NKAIN3: variants seen among roughly 807,000 people sequenced by gnomAD.
NKAIN3 encodes the protein sodium/potassium-transporting ATPase subunit beta-1-interacting protein 3.
In NKAIN3, 25 loss-of-function variants were observed where a neutral mutation model predicts 30.2. The observed-to-expected ratio is 0.83, with a 90% CI of 0.60 to 1.16. The LOEUF is 1.16. Among genes scored for constraint, NKAIN3 ranks in the 50% most tolerant of loss-of-function variants. NKAIN3 has a pLI of 0.00. For synonymous variants in NKAIN3, 91 were observed against 89.6 expected (o/e 1.02, Z -0.09); for missense variants, 225 against 254.1 (o/e 0.89, Z 0.78).
At chr8:62,963,267 C>T (rs1186739857) in intron 6 of NKAIN3, among the ~76,000 whole-genome samples, 1 of 152,112 alleles carries the variant, frequency 6.6e-6, no homozygotes, top group Non-Finnish European at 1.5e-5. Context: ...CTTTGAATGC[C>T]CTCTTTCAGA....
intron 1 of NKAIN3, among the ~76,000 whole-genome samples, chr8:62,295,196 A>C (rs2129587397): frequency 6.6e-6 from 1 of 152,242 alleles, no homozygotes; most frequent in East Asian, 1.9e-4. Context: ...TGCATACCAA[A>C]TCAACATGTG....
intron 3 of NKAIN3, among the ~76,000 whole-genome samples, chr8:62,689,252 A>T (rs989016497): frequency 1.3e-5 from 2 of 152,118 alleles, no homozygotes; most frequent in South Asian, 4.1e-4. Flanking sequence ...TTATAAGGAG[A>T]CATCTGCACT....
chr8:62,750,047 G>C (rs1343792662), intron 4 of NKAIN3, among the ~76,000 whole-genome samples: 1 of 151,956 alleles, frequency 6.6e-6, no homozygotes, highest in Non-Finnish European at 1.5e-5. Context: ...GTGCTGAAAT[G>C]TTTACCTTAT....
At chr8:62,929,164 G>A (rs1004914150) in intron 5 of NKAIN3, among the ~76,000 whole-genome samples, 8 of 152,200 alleles carry the variant, frequency 5.3e-5, no homozygotes, top group African/African-American at 1.9e-4. Flanking sequence ...CAAAGGGCTT[G>A]ACTTCAGAAG....
intron 3 of NKAIN3, among the ~76,000 whole-genome samples, chr8:62,742,691 A>C (rs542737794): frequency 5.3e-5 from 8 of 152,220 alleles, no homozygotes; most frequent in Admixed American, 1.3e-4. Context: ...CCAAGAAGTA[A>C]AAGAGAAATG....
intron 3 of NKAIN3, among the ~76,000 whole-genome samples, chr8:62,656,339 AG>A (rs1455782015): frequency 6.6e-6 from 1 of 152,294 alleles, no homozygotes; most frequent in Admixed American, 6.5e-5. Context: ...TTCATACATC[AG>A]GAAACATTAG....
intron 2 of NKAIN3, 84 bp downstream of exon 2, chr8:62,579,760 C>A: frequency 1.3e-6 from 1 of 750,150 alleles, no homozygotes; most frequent in Non-Finnish European, 1.9e-6. Flanking sequence ...CTAAGTGGCC[C>A]CTTCTGATAT....
intron 1 of NKAIN3, among the ~76,000 whole-genome samples, chr8:62,575,090 T>A (rs1006679720): frequency 2.6e-5 from 4 of 152,124 alleles, no homozygotes; most frequent in Non-Finnish European, 5.9e-5. Flanking sequence ...TCATTACTGT[T>A]ATTCAGCATA....
chr8:62,317,551 G>C (rs1309882808), intron 1 of NKAIN3, among the ~76,000 whole-genome samples: 1 of 152,140 alleles, frequency 6.6e-6, no homozygotes, highest in Non-Finnish European at 1.5e-5. Context: ...CCCATTGCTT[G>C]TTTTTCTCAG....
At chr8:62,569,855 T>A (rs1809877971) in intron 1 of NKAIN3, among the ~76,000 whole-genome samples, 1 of 152,044 alleles carries the variant, frequency 6.6e-6, no homozygotes, top group South Asian at 2.1e-4. Context: ...ATATGAATGA[T>A]ATTTAGAGCT....
rs1806025585 is a variant in NKAIN3, at chr8:62,462,384, C to G, written c.55-117155C>G. The stretch of plus-strand genomic sequence containing the variant: ...TATAATTCACAATGCACCGATTGTT[C>G]ATTGCTATTAGCAATGCATGGAATG... On this transcript the variant is annotated intron_variant, in intron 1 of 6. Transcript: ENST00000623646. Among the ~76,000 whole-genome samples the G allele has an allele frequency of 1.3e-5, 2 of 152,182 alleles. 1 individual carries two copies. Among genetic ancestry groups the G allele is most frequent in the African/African-American group, 4.8e-5 (2 of 41,444 alleles).
chr8:62,674,290 T>A (rs1183285958), intron 3 of NKAIN3, among the ~76,000 whole-genome samples: 1 of 152,228 alleles, frequency 6.6e-6, no homozygotes, highest in East Asian at 1.9e-4. Flanking sequence ...CTGCTGCCTG[T>A]CTGCCAGGTG....
chr8:62,764,608 G>A (rs1175393644), intron 4 of NKAIN3, among the ~76,000 whole-genome samples: 2 of 152,068 alleles, frequency 1.3e-5, no homozygotes, highest in East Asian at 3.9e-4. Context: ...AGAACTACAA[G>A]CGTGTGCCAC....
intron 1 of NKAIN3, among the ~76,000 whole-genome samples, chr8:62,358,460 A>G (rs755270722): frequency 2.0e-5 from 3 of 152,162 alleles, no homozygotes; most frequent in African/African-American, 2.4e-5. Flanking sequence ...ATTCCATTAT[A>G]TGTTAAGCGT....
chr8:62,775,146 C>G (rs1380200642), intron 4 of NKAIN3, among the ~76,000 whole-genome samples: 1 of 151,978 alleles, frequency 6.6e-6, no homozygotes, highest in Non-Finnish European at 1.5e-5. Context: ...TTGTATGTGT[C>G]CAGGAATTTA....
chr8:62,285,764 A>G (rs567453323), intron 1 of NKAIN3, among the ~76,000 whole-genome samples: 1 of 152,296 alleles, frequency 6.6e-6, no homozygotes, highest in Admixed American at 6.5e-5. Flanking sequence ...ACCCAGTCAT[A>G]CAAAAATATC....
intron 1 of NKAIN3, among the ~76,000 whole-genome samples, chr8:62,421,843 G>A (rs1385157616): frequency 6.6e-6 from 1 of 151,914 alleles, no homozygotes; most frequent in Non-Finnish European, 1.5e-5. Flanking sequence ...TATATATTGG[G>A]GAAAATTGAG....
intron 3 of NKAIN3, among the ~76,000 whole-genome samples, chr8:62,637,476 C>G (rs1812169267): frequency 6.6e-6 from 1 of 152,094 alleles, no homozygotes; most frequent in African/African-American, 2.4e-5. Context: ...GTGTCTTACA[C>G]AGAAAAAAAT....
chr8:62,266,885 C>A (rs1283897660), intron 1 of NKAIN3, among the ~76,000 whole-genome samples: 1 of 152,220 alleles, frequency 6.6e-6, no homozygotes, highest in East Asian at 1.9e-4. Context: ...AATATGGCTG[C>A]AGAACTGCCT....
Sources: gnomAD v4.1 joint callset for allele counts (sites outside exome capture counted in the v4.1 genomes callset) on GRCh38, gnomAD v4.1.1 for gene constraint, MANE v1.5 for transcripts, NCBI Gene and HGNC (gene_info 2026-07-23, HGNC 2026-07-21) for gene names.